Variants in EPS15L1 observed in about 807,000 individuals in gnomAD.
EPS15L1 encodes epidermal growth factor receptor substrate 15-like 1.
In EPS15L1, 43 loss-of-function variants were observed where a neutral mutation model predicts 117.1. The ratio of observed to expected loss-of-function variants is 0.37; its 90% CI spans 0.29 to 0.47. EPS15L1 has a LOEUF of 0.47. EPS15L1 is among the 20% of genes least tolerant of loss of function. The pLI, the probability that EPS15L1 is intolerant of heterozygous loss-of-function variation, is 0.99. For synonymous variants in EPS15L1, 459 were observed against 470.5 expected, an observed-to-expected ratio of 0.98 and a Z score of 0.32; for missense variants, 981 against 1,164.0, an observed-to-expected ratio of 0.84 and a Z score of 2.29.
At position 16,434,352 on chromosome 19, in the gene EPS15L1, G is replaced by A. The variant is rs759204165; in HGVS notation, c.498+13C>T. The A allele has an allele frequency of 6.1e-5, 99 of 1,612,552 alleles. No homozygotes were observed. Among genetic ancestry groups the A allele is most frequent in the Non-Finnish European group, 7.0e-5 (83 of 1,179,442 alleles). On this transcript the variant is annotated intron_variant, in intron 7 of 23. Transcript: ENST00000455140. ...CACTGAGTGCAGAAGAACCAAGCCC[G>A]TGGCCCACTTACCCTGCCCAGGACA... is the stretch of plus-strand genomic sequence containing the variant.
chr19:16,402,185 C>T (rs370279365), intron 16 of EPS15L1, 136 bp downstream of exon 16: 15 of 1,459,544 alleles, frequency 1.0e-5, no homozygotes, highest in African/African-American at 5.7e-5. Context: ...CGCAAAGTGG[C>T]AGCAAAAACA....
rs542359984 is a variant in EPS15L1, at chr19:16,361,913, C to T, written c.2452G>A (p.Gly818Arg). 6.0e-5 allele frequency: 97 copies of T among 1,614,044 alleles called. No individual in the cohort carries two copies. The South Asian group carries it at 8.6e-4, about 14-fold the overall frequency. The change falls in exon 23 of 24, where the codon GGG (glycine) becomes AGG (arginine). Residue 818 changes from glycine to arginine, a missense_variant. By Grantham distance (125) the Gly-to-Arg change is moderately radical. This residue lies in a region of EPS15L1 where 819 missense variants were observed against 949.0 expected (regional missense o/e 0.86). Transcript: ENST00000455140. ...PEAPDPFQPL[G>R]ADSGDPFQSK... ...TGGAACGGGTCGCCGCTGTCAGCCC[C>T]GAGTGGCTGGAATGGATCGGGGGCC...
At chr19:16,397,451 A>C (rs2092552356) in intron 16 of EPS15L1, among the ~76,000 whole-genome samples, 1 of 152,184 alleles carries the variant, frequency 6.6e-6, no homozygotes, top group African/African-American at 2.4e-5. Context: ...AGAAAAAAAT[A>C]ATAAACTTGG....
At position 16,400,805 on chromosome 19, in the gene EPS15L1, C is replaced by T. The variant is rs1331564805; in HGVS notation, c.1791+1516G>A. 3 of 985,292 alleles carry T rather than the reference C, an allele frequency of 3.0e-6. No homozygotes were observed. The African/African-American group carries it at 5.2e-5, about 17-fold the overall frequency. The allele number at this position is 985,292 out of a possible 1,614,324, so 61.0% of individuals were successfully genotyped here. A position where few individuals can be genotyped will look rare whatever the true frequency, so the allele number is the denominator to read the frequency against. On this transcript the variant is annotated intron_variant, in intron 16 of 23. Transcript: ENST00000455140. ...AATAACCAGAAAGGTAAAAATCTGT[C>T]TTTGGAGTTGGGGGAATCACTGGCC... is the stretch of plus-strand genomic sequence containing the variant.
chr19:16,464,969 C>CTT (rs2093289663), intron 1 of EPS15L1, among the ~76,000 whole-genome samples: 3 of 151,768 alleles, frequency 2.0e-5, no homozygotes, highest in African/African-American at 7.3e-5. Flanking sequence ...GTCCCAGCTA[C>CTT]GCAGGAGGCT....
At chr19:16,385,520 G>A (rs1040294936) in intron 20 of EPS15L1, among the ~76,000 whole-genome samples, 20 of 152,180 alleles carry the variant, frequency 1.3e-4, no homozygotes, top group African/African-American at 4.3e-4. Context: ...GTCAGGAGGC[G>A]AGGAGCAACT....
At chr19:16,362,263 T>C (rs1186441100) in intron 22 of EPS15L1, among the ~76,000 whole-genome samples, 2 of 152,122 alleles carry the variant, frequency 1.3e-5, no homozygotes, top group Non-Finnish European at 2.9e-5. Flanking sequence ...CCTAGAATAG[T>C]TTGCATGCAG....
chr19:16,391,545 G>T (rs1432601841), intron 19 of EPS15L1, among the ~76,000 whole-genome samples: 1 of 151,854 alleles, frequency 6.6e-6, no homozygotes, highest in African/African-American at 2.4e-5. Flanking sequence ...GGCCTGGGTT[G>T]CAGCCTAGAA....
intron 22 of EPS15L1, among the ~76,000 whole-genome samples, chr19:16,374,596 G>A (rs931152307): frequency 3.3e-5 from 5 of 152,206 alleles, no homozygotes; most frequent in African/African-American, 7.2e-5. Flanking sequence ...ACGATGGGAG[G>A]TGATAACTGA....
intron 12 of EPS15L1, among the ~76,000 whole-genome samples, chr19:16,416,481 T>TA (rs921853260): frequency 6.6e-6 from 1 of 151,650 alleles, no homozygotes; most frequent in East Asian, 1.9e-4. Context: ...ACAAAAAATA[T>TA]AAAAAAATTA....
chr19:16,413,472 G>A, intron 13 of EPS15L1: 2 of 735,622 alleles, frequency 2.7e-6, no homozygotes, highest in Non-Finnish European at 2.3e-6. Context: ...GAAGGAGACT[G>A]TATTCACCAA....
chr19:16,471,937 C>A lies in EPS15L1; in HGVS notation c.9G>T (p.Ala3=). Residue 3 remains alanine, a synonymous_variant, in exon 1 of 24, where the codon GCG becomes GCT. Transcript: ENST00000455140. This position sits in a 1 kb window ranked among gnomAD's most constrained non-coding sequence, Gnocchi z 4.8. ...CCTGCTGGGAGAGGGGGATGAGCGG[C>A]GCCGCCATCTTCCCGCGGACTCGGG... The part of the protein sequence containing the change: MA[A]PLIPLSQQIP... 1 of 1,290,712 alleles carries A rather than the reference C, an allele frequency of 7.7e-7. No individual in the cohort carries two copies. Among genetic ancestry groups the A allele is most frequent in the Non-Finnish European group, 9.8e-7 (1 of 1,020,290 alleles). 80.0% of individuals were successfully genotyped at this position (1,290,712 alleles called of 1,614,324 possible).
rs1342244494 is a variant in EPS15L1 at position 16,437,769 on chromosome 19, C to T, written c.309+1G>A. 1 of 1,613,370 alleles carries T rather than the reference C, an allele frequency of 6.2e-7. No individual in the cohort carries two copies. The highest frequency in any genetic ancestry group is 1.7e-5 in the Admixed American group (1 of 59,992). On this transcript the variant is annotated splice_donor_variant, in intron 5 of 23. Coordinates refer to ENST00000455140, the MANE Select transcript of EPS15L1 (RefSeq NM_001258374.3). LOFTEE classifies it high-confidence loss of function. ...TGAACTTGAAGGACTTGGACACTCA[C>T]AAATTTAGGCGGTGGCATGCTCAAA...
Position 16,367,602 on chromosome 19 carries a change from C to T in EPS15L1, c.2381-5618G>A, listed in dbSNP as rs79355246. On this transcript the variant is annotated intron_variant, in intron 22 of 23. Transcript: ENST00000455140. Reference sequence around the variant, plus strand: ...TCAAGCTTCTTCTCGAGGCTGCGCACGCCCCTAGCACCCGGGATCGGGGCT... The same window carrying T: ...TCAAGCTTCTTCTCGAGGCTGCGCATGCCCCTAGCACCCGGGATCGGGGCT... Among the ~76,000 whole-genome samples, 79 of 150,568 alleles carry T rather than the reference C, an allele frequency of 5.2e-4. No individual in the cohort carries two copies. In the East Asian group the frequency reaches 0.012, roughly 23 times the overall value.
chr19:16,368,869 A>G (rs1312081648), intron 22 of EPS15L1, among the ~76,000 whole-genome samples: 2 of 152,230 alleles, frequency 1.3e-5, no homozygotes, highest in African/African-American at 4.8e-5. Flanking sequence ...ATGCCCATAC[A>G]ACTGCCAGGT....
At chr19:16,392,186 G>A in intron 19 of EPS15L1, 118 bp downstream of exon 19, 1 of 1,140,944 alleles carries the variant, frequency 8.8e-7, no homozygotes, top group Non-Finnish European at 1.3e-6. Flanking sequence ...AGACACCATG[G>A]CCCACACTCG....
chr19:16,358,828 G>C (rs377022207), intron 23 of EPS15L1, among the ~76,000 whole-genome samples: 1 of 152,296 alleles, frequency 6.6e-6, no homozygotes, highest in East Asian at 1.9e-4. Flanking sequence ...ATAATTCGAA[G>C]CACGGCCTAG....
In EPS15L1 at chr19:16,371,202, T is replaced by A. The variant is rs1472115661; in HGVS notation, c.2380+5920A>T. The stretch of plus-strand genomic sequence containing the variant: ...AGAGGTCACTGAGCCCTGGTTTCGA[T>A]GTTGGCCTGGCATTTCAGAGAAGTG... On this transcript the variant is annotated intron_variant, in intron 22 of 23. Transcript: ENST00000455140. This position sits in a 1 kb window ranked among gnomAD's most constrained non-coding sequence, Gnocchi z 4.7. Among the ~76,000 whole-genome samples the A allele has an allele frequency of 6.6e-6, 1 of 152,100 alleles. No homozygotes were observed. Among genetic ancestry groups the A allele is most frequent in the Non-Finnish European group, 1.5e-5 (1 of 68,008 alleles).
intron 17 of EPS15L1, 87 bp downstream of exon 17, chr19:16,395,257 T>C (rs995048100): frequency 1.5e-6 from 2 of 1,296,882 alleles, no homozygotes; most frequent in Non-Finnish European, 2.1e-6. Flanking sequence ...TTGTGGCATG[T>C]CCTTACTTTT....
Sources: gnomAD v4.1 joint callset for allele counts (sites outside exome capture counted in the v4.1 genomes callset) on GRCh38, gnomAD v4.1.1 for gene constraint, gnomAD v4.1.1 regional missense constraint, Gnocchi (gnomAD v3.1) non-coding constraint, MANE v1.5 for transcripts, NCBI Gene and HGNC (gene_info 2026-07-23, HGNC 2026-07-21) for gene names.